Variants in IL1RAP observed in about 807,000 individuals in gnomAD.
IL1RAP encodes the protein interleukin-1 receptor accessory protein.
In IL1RAP, 35 loss-of-function variants were observed where a neutral mutation model predicts 60.7. The observed-to-expected ratio is 0.58, with a 90% confidence interval of 0.44 to 0.76. IL1RAP has a LOEUF of 0.76. IL1RAP is among the 30% of genes least tolerant of loss of function. IL1RAP has a pLI of 0.00. For missense variants in IL1RAP, 572 were observed against 693.9 expected (o/e 0.82, Z 1.97); for synonymous variants, 268 against 250.9 (o/e 1.07, Z -0.64).
At chr3:190,623,858 C>T in intron 7 of IL1RAP, among the ~76,000 whole-genome samples, 1 of 152,196 alleles carries the variant, frequency 6.6e-6, no homozygotes, top group East Asian at 1.9e-4. Flanking sequence ...ACGCAGAACA[C>T]TATTGAATGC....
At chr3:190,633,925 G>A (rs928957055) in intron 9 of IL1RAP, among the ~76,000 whole-genome samples, 2 of 152,156 alleles carry the variant, frequency 1.3e-5, no homozygotes, top group South Asian at 4.1e-4. Context: ...GAAGTTTTGA[G>A]AGCAGCCATC....
chr3:190,556,781 G>A (rs1725467293), intron 2 of IL1RAP, among the ~76,000 whole-genome samples: 1 of 152,130 alleles, frequency 6.6e-6, no homozygotes, highest in Admixed American at 6.5e-5. Context: ...ATTAGTGGTA[G>A]CTCACATTGT....
At chr3:190,605,119 T>C (rs1730191052) in intron 4 of IL1RAP, among the ~76,000 whole-genome samples, 1 of 152,138 alleles carries the variant, frequency 6.6e-6, no homozygotes, top group Admixed American at 6.5e-5. Flanking sequence ...ATGACATATA[T>C]GTATGACAAT....
intron 7 of IL1RAP, among the ~76,000 whole-genome samples, chr3:190,626,083 A>G (rs1200332815): frequency 6.6e-6 from 1 of 152,148 alleles, no homozygotes; most frequent in African/African-American, 2.4e-5. Context: ...CATAGCCACT[A>G]CCTATTAATA....
chr3:190,588,324 G>T (rs1030700024), intron 3 of IL1RAP, among the ~76,000 whole-genome samples: 2 of 152,230 alleles, frequency 1.3e-5, no homozygotes, highest in Admixed American at 6.5e-5. Flanking sequence ...ATGTTGGCCA[G>T]GTTGGTCTTG....
intron 3 of IL1RAP, among the ~76,000 whole-genome samples, chr3:190,578,541 A>G (rs951460355): frequency 2.6e-5 from 4 of 152,202 alleles, no homozygotes; most frequent in Admixed American, 1.3e-4. Flanking sequence ...GTGTTTGTGT[A>G]TTTGTTAGCA....
chr3:190,656,861 G>A (rs1734635423), exon 12 of IL1RAP: 1 of 383,004 alleles, frequency 2.6e-6, no homozygotes, highest in South Asian at 6.6e-5. Flanking sequence ...GTTGCCTAAA[G>A]TCTGATCCTC....
At chr3:190,640,057 G>T (rs958572047) in intron 9 of IL1RAP, among the ~76,000 whole-genome samples, 5 of 152,282 alleles carry the variant, frequency 3.3e-5, no homozygotes, top group East Asian at 1.9e-4. Flanking sequence ...AGATAATCCT[G>T]TGCAGATTTC....
At chr3:190,613,506 A>G (rs79453168) in intron 5 of IL1RAP, among the ~76,000 whole-genome samples, 36 of 152,336 alleles carry the variant, frequency 2.4e-4, no homozygotes, top group African/African-American at 7.9e-4. Flanking sequence ...AGCTAATGCC[A>G]TACTCTGGAG....
chr3:190,620,529 T>C (rs1252356871), intron 6 of IL1RAP, 89 bp downstream of exon 6: 4 of 1,143,324 alleles, frequency 3.5e-6, no homozygotes, highest in African/African-American at 1.6e-5. Context: ...AGTATGTAAA[T>C]TGTATAAGAA....
chr3:190,527,254 G>C (rs1047091385), intron 1 of IL1RAP, among the ~76,000 whole-genome samples: 2 of 152,168 alleles, frequency 1.3e-5, no homozygotes, highest in Non-Finnish European at 2.9e-5. Flanking sequence ...TGTACCAGGA[G>C]CTGTGCTGAA....
At chr3:190,618,837 A>G (rs779644189) in intron 5 of IL1RAP, among the ~76,000 whole-genome samples, 5 of 152,228 alleles carry the variant, frequency 3.3e-5, no homozygotes, top group Admixed American at 6.5e-5. Flanking sequence ...CCAAGCTTAT[A>G]GTAGCTTCCT....
intron 3 of IL1RAP, among the ~76,000 whole-genome samples, chr3:190,595,858 G>A (rs1468069674): frequency 6.6e-6 from 1 of 152,150 alleles, no homozygotes; most frequent in Non-Finnish European, 1.5e-5. Flanking sequence ...ATGACAATTG[G>A]TTGATTTCAT....
In IL1RAP at chr3:190,634,779, G is replaced by T. The variant is rs563316101; in HGVS notation, c.1051+5281G>T. ...CGCCCAGGCTGGAGTGCAGTGGCGC[G>T]ATCTCGGCTCACTGCAAGCTCGGCC... On this transcript the variant is annotated intron_variant, in intron 9 of 11. Transcript: ENST00000447382. Among the ~76,000 whole-genome samples, 6 of 148,474 alleles carry T rather than the reference G, an allele frequency of 4.0e-5. No individual in the cohort carries two copies. The Middle Eastern group carries it at 0.01, about 258-fold the overall frequency.
At chr3:190,621,360 TGTC>T (rs748634654) in intron 6 of IL1RAP, among the ~76,000 whole-genome samples, 50 of 152,212 alleles carry the variant, frequency 3.3e-4, no homozygotes, top group Middle Eastern at 3.2e-3. Context: ...ATTCAAACAA[TGTC>T]GTAATCACTT....
chr3:190,643,339 G>A (rs920039196), intron 9 of IL1RAP, among the ~76,000 whole-genome samples: 27 of 152,112 alleles, frequency 1.8e-4, no homozygotes, highest in African/African-American at 6.5e-4. Flanking sequence ...TGAGAAACGG[G>A]CATCATATTA....
intron 1 of IL1RAP, among the ~76,000 whole-genome samples, chr3:190,540,089 C>T (rs1374672783): frequency 6.6e-6 from 1 of 151,938 alleles, no homozygotes; most frequent in Non-Finnish European, 1.5e-5. Flanking sequence ...AAGATGTTAC[C>T]ACATAAAGAG....
chr3:190,593,558 C>T (rs1445291620), intron 3 of IL1RAP, among the ~76,000 whole-genome samples: 1 of 152,130 alleles, frequency 6.6e-6, no homozygotes, highest in African/African-American at 2.4e-5. Context: ...CTAGGGAGCC[C>T]TCACAATCAT....
chr3:190,596,681 C>T (rs1729406430), intron 3 of IL1RAP, among the ~76,000 whole-genome samples: 1 of 152,124 alleles, frequency 6.6e-6, no homozygotes. Flanking sequence ...AGGACTTCCA[C>T]TGTGGAGTAA....
Sources: gnomAD v4.1 joint callset for allele counts (sites outside exome capture counted in the v4.1 genomes callset) on GRCh38, gnomAD v4.1.1 for gene constraint, MANE v1.5 for transcripts, NCBI Gene and HGNC (gene_info 2026-07-23, HGNC 2026-07-21) for gene names.